The following ZNF536 variants were observed in gnomAD, a reference collection of about 807,000 sequenced individuals.
The protein encoded by ZNF536 is zinc finger protein 536.
ZNF536 carries 13 observed loss-of-function variants against 84.5 expected under a neutral mutation model. The ratio of observed to expected loss-of-function variants is 0.15; its 90% CI spans 0.10 to 0.24. The LOEUF is 0.24. Ranked by LOEUF, ZNF536 falls within the 10% of genes least tolerant of loss-of-function variation. The pLI is 1.00. For missense variants in ZNF536, 1,536 were observed against 1,747.5 expected (o/e 0.88, Z 2.16); for synonymous variants, 811 against 742.5 (o/e 1.09, Z -1.50).
intron 1 of ZNF536, among the ~76,000 whole-genome samples, chr19:30,694,712 A>T (rs1451604658): frequency 5.3e-5 from 8 of 152,194 alleles, no homozygotes; most frequent in Admixed American, 5.2e-4. Context: ...GGAAAAAAAT[A>T]TGTGGGCCTG....
chr19:30,544,964 C>T (rs1223885572), intron 3 of ZNF536, among the ~76,000 whole-genome samples: 1 of 152,180 alleles, frequency 6.6e-6, no homozygotes, highest in Non-Finnish European at 1.5e-5. Context: ...CAAATACCTC[C>T]TGAGGTCTAG....
chr19:30,333,526 C>A (rs554031722), intron 2 of ZNF536, among the ~76,000 whole-genome samples: 1 of 152,136 alleles, frequency 6.6e-6, no homozygotes, highest in South Asian at 2.1e-4. Flanking sequence ...TTCCTGCCTG[C>A]GGCTGTCTTT....
chr19:30,335,336 G>T lies in ZNF536; in HGVS notation c.-119-17032G>T, dbSNP rs533402658. On this transcript the variant is annotated intron_variant, in intron 2 of 5. Transcript: ENST00000585628. ...AATAACCGTGCATATGAGAGGCTCG[G>T]TTACATCTTTAATCTCGATGATGGA... Among the ~76,000 whole-genome samples the T allele has an allele frequency of 6.6e-5, 10 of 152,274 alleles. No individual in the cohort carries two copies. The South Asian group carries it at 1.7e-3, about 25-fold the overall frequency.
chr19:30,383,057 A>C (rs1209157266), intron 1 of ZNF536, among the ~76,000 whole-genome samples: 1 of 152,222 alleles, frequency 6.6e-6, no homozygotes, highest in Admixed American at 6.5e-5. Context: ...TGGAAGGTCA[A>C]GGTGGGCGGA....
chr19:30,336,072 G>A (rs1195655555), intron 2 of ZNF536, among the ~76,000 whole-genome samples: 3 of 152,328 alleles, frequency 2.0e-5, no homozygotes, highest in African/African-American at 7.2e-5. Context: ...AGAGCTACAG[G>A]TAAACAAGGG....
At chr19:30,371,023 C>T (rs2048595652), upstream of ZNF536, among the ~76,000 whole-genome samples, 1 of 152,166 alleles carries the variant, frequency 6.6e-6, no homozygotes, top group African/African-American at 2.4e-5. Context: ...CATTAACTGA[C>T]CAATCTAAAT....
chr19:30,485,204 A>C (rs1437810261), intron 2 of ZNF536, among the ~76,000 whole-genome samples: 7 of 152,080 alleles, frequency 4.6e-5, no homozygotes, highest in Non-Finnish European at 1.0e-4. Context: ...AAATAAAAAA[A>C]GGAAATCAGA....
intron 4 of ZNF536, among the ~76,000 whole-genome samples, chr19:30,552,811 G>A (rs1165246160): frequency 1.3e-5 from 2 of 152,094 alleles, no homozygotes; most frequent in Non-Finnish European, 2.9e-5. Context: ...TGACAGTGTC[G>A]AGAGCTTCAG....
chr19:30,441,704 C>T (rs1462468287), intron 1 of ZNF536, among the ~76,000 whole-genome samples: 1 of 152,358 alleles, frequency 6.6e-6, no homozygotes, highest in East Asian at 1.9e-4. Context: ...TGGAAGCCTT[C>T]TCCTATGGCA....
intron 2 of ZNF536, among the ~76,000 whole-genome samples, chr19:30,498,533 C>G (rs1455247339): frequency 4.6e-5 from 7 of 151,994 alleles, no homozygotes; most frequent in Non-Finnish European, 7.4e-5. Flanking sequence ...CAGCAAACCA[C>G]CATGGCACAT....
intron 1 of ZNF536, among the ~76,000 whole-genome samples, chr19:30,414,330 C>T (rs2050623280): frequency 6.6e-6 from 1 of 151,872 alleles, no homozygotes. Context: ...GAAATTCTTT[C>T]TTTTTTATAC....
intron 1 of ZNF536, among the ~76,000 whole-genome samples, chr19:30,257,743 G>A (rs1233873797): frequency 6.6e-6 from 1 of 152,214 alleles, no homozygotes; most frequent in African/African-American, 2.4e-5. Context: ...AGGGAAGGTG[G>A]TCACTGTAAG....
At chr19:30,428,728 A>G (rs1052086522) in intron 1 of ZNF536, among the ~76,000 whole-genome samples, 2 of 152,188 alleles carry the variant, frequency 1.3e-5, no homozygotes, top group Non-Finnish European at 2.9e-5. Context: ...AGAGTGTCCA[A>G]CATCAGATGG....
At chr19:30,503,159 GCACACACACACA>G (rs34574367) in intron 2 of ZNF536, among the ~76,000 whole-genome samples, 3 of 148,466 alleles carry the variant, frequency 2.0e-5, no homozygotes, top group East Asian at 4.0e-4. Context: ...ATGTGTGTAT[GCACACACACACA>G]CACACACACA....
chr19:30,692,401 A>G (rs2051449592), intron 1 of ZNF536, among the ~76,000 whole-genome samples: 1 of 152,218 alleles, frequency 6.6e-6, no homozygotes, highest in African/African-American at 2.4e-5. Flanking sequence ...TTTTACTCAC[A>G]GATGGTCGCT....
chr19:30,327,053 G>A (rs960940404), intron 2 of ZNF536, among the ~76,000 whole-genome samples: 4 of 152,004 alleles, frequency 2.6e-5, no homozygotes, highest in African/African-American at 9.7e-5. Context: ...AATAACTGGA[G>A]GCTGCAGTGA....
chr19:30,314,753 T>C (rs1205826448), intron 2 of ZNF536, among the ~76,000 whole-genome samples: 1 of 152,068 alleles, frequency 6.6e-6, no homozygotes, highest in Non-Finnish European at 1.5e-5. Context: ...ATTGGTCTGA[T>C]AGGAGGAATG....
At chr19:30,348,043 G>A (rs2085800169) in intron 2 of ZNF536, among the ~76,000 whole-genome samples, 1 of 152,228 alleles carries the variant, frequency 6.6e-6, no homozygotes. Context: ...CATTCATGAA[G>A]TATTTTTGAT....
intron 2 of ZNF536, among the ~76,000 whole-genome samples, chr19:30,301,777 G>C (rs1327626725): frequency 6.6e-6 from 1 of 151,988 alleles, no homozygotes; most frequent in African/African-American, 2.4e-5. Flanking sequence ...ATATTAAAGA[G>C]CTTGGCCAAA....
Sources: allele counts gnomAD v4.1 joint callset (sites outside exome capture counted in the v4.1 genomes callset), GRCh38; gene constraint gnomAD v4.1.1; transcripts MANE v1.5; gene names NCBI Gene and HGNC (gene_info 2026-07-23, HGNC 2026-07-21).